ARHGEF10: variants seen among roughly 807,000 people sequenced by gnomAD.
ARHGEF10 encodes Rho guanine nucleotide exchange factor 10, also known as Rho guanine nucleotide exchange factor (GEF) 10.
ARHGEF10 carries 140 observed loss-of-function variants against 147.4 expected under a neutral mutation model. The ratio of observed to expected loss-of-function variants is 0.95; its 90% CI spans 0.83 to 1.09. The LOEUF (loss-of-function observed/expected upper bound fraction) is 1.09, where lower values mean the gene tolerates loss of function less well. ARHGEF10 is among the 50% of genes least tolerant of loss of function. The pLI is 0.00. For missense variants in ARHGEF10, 2,222 were observed against 1,752.7 expected (o/e 1.27, Z -4.78); for synonymous variants, 902 against 695.8 (o/e 1.30, Z -4.67).
rs749140805 is a variant in ARHGEF10, at chr8:1,858,134, C to T, written c.193+19C>T. ...CCCACAGGTGAGTTTCCAGGAGGGT[C>T]CCCAGGTGAGTCCCCAGGTGGGTCC... On this transcript the variant is annotated intron_variant, in intron 3 of 28. Coordinates refer to ENST00000349830, the MANE Select transcript of ARHGEF10 (RefSeq NM_014629.4). The T allele has an allele frequency of 2.5e-6, 4 of 1,604,014 alleles. No individual in the cohort carries two copies. The highest frequency in any genetic ancestry group is 2.6e-6 in the Non-Finnish European group (3 of 1,174,966).
intron 1 of ARHGEF10, among the ~76,000 whole-genome samples, chr8:1,832,236 G>C (rs777982066): frequency 2.2e-5 from 1 of 45,528 alleles, no homozygotes; most frequent in Non-Finnish European, 3.9e-5. Flanking sequence ...GAGGAGTTGC[G>C]GTGGGCGGGG....
upstream of ARHGEF10, among the ~76,000 whole-genome samples, chr8:1,823,452 G>GCGT (rs147323837): frequency 1.7e-4 from 25 of 151,234 alleles, no homozygotes; most frequent in Admixed American, 9.2e-4. Context: ...GATGTTCTGG[G>GCGT]GGGGGGAGCG....
chr8:1,941,387 G>T (rs1389353026), intron 26 of ARHGEF10, among the ~76,000 whole-genome samples: 1 of 152,142 alleles, frequency 6.6e-6, no homozygotes, highest in Non-Finnish European at 1.5e-5. Context: ...AATACTTGGA[G>T]AAATTTTTAA....
At chr8:1,827,177 C>T (rs868818867) in intron 1 of ARHGEF10, among the ~76,000 whole-genome samples, 1 of 152,250 alleles carries the variant, frequency 6.6e-6, no homozygotes, top group Non-Finnish European at 1.5e-5. Context: ...CCAGCCCCCA[C>T]GCTGATACAC....
rs552389448 is a variant in ARHGEF10, at chr8:1,931,543, G to A, written c.3079+2100G>A. ...GCATCTTTCTCACCAAGAGCTGTCC[G>A]GCGTACCGTGTGGGAGCGTGCGAGG... On this transcript the variant is annotated intron_variant, in intron 25 of 28. Coordinates refer to ENST00000349830, the MANE Select transcript of ARHGEF10 (RefSeq NM_014629.4). 2.6e-5 allele frequency among the ~76,000 whole-genome samples: 4 copies of A among 152,252 alleles called. No individual in the cohort carries two copies. In the East Asian group the frequency reaches 5.8e-4, roughly 22 times the overall value.
rs1301945404 is a variant in ARHGEF10, at chr8:1,909,446, G to A, written c.2119G>A (p.Ala707Thr). ...HLAVHPPESL[A>T]VVANAKPNKV... Reference sequence around the variant, plus strand: ...TGCCGTTCACCCGCCGGAGAGCCTGGCCGTGGTTGCTAACGCGAAACCAAG... The same window carrying A: ...TGCCGTTCACCCGCCGGAGAGCCTGACCGTGGTTGCTAACGCGAAACCAAG... Residue 707 changes from alanine to threonine, a missense_variant, in exon 18 of 29, where the codon GCC becomes ACC. By Grantham distance (58) the Ala-to-Thr change is moderately conservative. Transcript: ENST00000349830. 1 of 1,613,972 alleles carries A rather than the reference G, an allele frequency of 6.2e-7. No individual in the cohort carries two copies. Among genetic ancestry groups the A allele is most frequent in the African/African-American group, 1.3e-5 (1 of 74,930 alleles).
At chr8:1,879,124 T>A (rs1807961269) in intron 8 of ARHGEF10, among the ~76,000 whole-genome samples, 1 of 152,222 alleles carries the variant, frequency 6.6e-6, no homozygotes, top group Admixed American at 6.5e-5. Context: ...TCTCGAATTT[T>A]GTTAAAAACT....
chr8:1,843,038 A>G (rs1024990143), intron 1 of ARHGEF10, among the ~76,000 whole-genome samples: 2 of 152,222 alleles, frequency 1.3e-5, no homozygotes, highest in African/African-American at 2.4e-5. Context: ...ACAGTGGGAA[A>G]TTCAGCAAGG....
chr8:1,879,458 TGCATTTGCTCCTGTCTA>T (rs1407496269), intron 8 of ARHGEF10, among the ~76,000 whole-genome samples: 2 of 152,190 alleles, frequency 1.3e-5, no homozygotes, highest in Non-Finnish European at 2.9e-5. Flanking sequence ...TTTGTGTGCG[TGCATTTGCTCCTGTCTA>T]GCACAGAGAA....
chr8:1,842,465 G>GACC (rs979830688), intron 1 of ARHGEF10, among the ~76,000 whole-genome samples: 1 of 152,210 alleles, frequency 6.6e-6, no homozygotes, highest in Non-Finnish European at 1.5e-5. Context: ...TGAGGCCGGT[G>GACC]ACCACCCTGG....
At chr8:1,843,879 C>T (rs915233198) in intron 2 of ARHGEF10, among the ~76,000 whole-genome samples, 2 of 152,214 alleles carry the variant, frequency 1.3e-5, no homozygotes, top group Non-Finnish European at 2.9e-5. Flanking sequence ...GACAAGCACG[C>T]CCTCTCTATC....
chr8:1,876,513 A>G, intron 7 of ARHGEF10, 58 bp from the exon 8 acceptor site: 1 of 1,561,780 alleles, frequency 6.4e-7, no homozygotes, highest in South Asian at 1.1e-5. Context: ...AAACAGGCAC[A>G]AAACAGCCCA....
At chr8:1,851,606 G>T (rs1029320774) in intron 2 of ARHGEF10, among the ~76,000 whole-genome samples, 6 of 152,170 alleles carry the variant, frequency 3.9e-5, no homozygotes, top group African/African-American at 1.4e-4. Context: ...CTAAAAAGTT[G>T]TATCTCTTAA....
In ARHGEF10 at chr8:1,957,385, G is replaced by C. The variant is rs1162874640; in HGVS notation, c.*122G>C. 8 of 1,391,696 alleles carry C rather than the reference G, an allele frequency of 5.7e-6. No homozygotes were observed. The highest frequency in any genetic ancestry group is 7.8e-6 in the Non-Finnish European group (8 of 1,024,966). 86.2% of individuals were successfully genotyped at this position (1,391,696 alleles called of 1,614,324 possible). ...GGGAATAAATTAAAAACAGTATTTG[G>C]GGGAGAAACGTGCAATAGCGTAATG... On this transcript the variant is annotated 3_prime_UTR_variant, in exon 29 of 29. Coordinates refer to ENST00000349830, the MANE Select transcript of ARHGEF10 (RefSeq NM_014629.4).
Position 1,868,144 on chromosome 8 carries a change from G to A in ARHGEF10, c.623-1050G>A, listed in dbSNP as rs76395029. Among the ~76,000 whole-genome samples the A allele has an allele frequency of 5.6e-3, 858 of 152,332 alleles. 60 individuals are homozygous for A. In the East Asian group the frequency reaches 0.14, roughly 25 times the overall value. Reference sequence around the variant, plus strand: ...AGGAGTAGAAATCTTTACTGTGGTTGCAGATAGTAAATGCTATTAAAAGAA... The same window carrying A: ...AGGAGTAGAAATCTTTACTGTGGTTACAGATAGTAAATGCTATTAAAAGAA... On this transcript the variant is annotated intron_variant, in intron 6 of 28. Coordinates refer to ENST00000349830, the MANE Select transcript of ARHGEF10 (RefSeq NM_014629.4).
chr8:1,884,638 G>C (rs184915328), intron 10 of ARHGEF10, among the ~76,000 whole-genome samples: 2 of 152,162 alleles, frequency 1.3e-5, no homozygotes, highest in African/African-American at 4.8e-5. Flanking sequence ...GTGCAGCCAG[G>C]GTTTGGGATC....
intron 2 of ARHGEF10, among the ~76,000 whole-genome samples, chr8:1,847,959 C>T (rs1012056439): frequency 2.0e-5 from 3 of 152,142 alleles, no homozygotes; most frequent in Middle Eastern, 3.2e-3. Flanking sequence ...TTTAAAAGTT[C>T]TTCATGGACT....
In ARHGEF10 at chr8:1,945,846, G is replaced by A. The variant is rs754650333; in HGVS notation, c.3397+191G>A. Reference sequence around the variant, plus strand: ...CGGAGCATGGTCAGCCCACTTTAGCGCTTCCCGGTGCAGGGCACAGGTCCT... The same window carrying A: ...CGGAGCATGGTCAGCCCACTTTAGCACTTCCCGGTGCAGGGCACAGGTCCT... On this transcript the variant is annotated intron_variant, in intron 27 of 28. Transcript: ENST00000349830. 1.3e-3 allele frequency: 1,125 copies of A among 839,874 alleles called. 5 individuals are homozygous for A. Among genetic ancestry groups the A allele is most frequent in the Non-Finnish European group, 1.6e-3 (897 of 545,268 alleles). 52.0% of individuals were successfully genotyped at this position (839,874 alleles called of 1,614,324 possible). A position where few individuals can be genotyped will look rare whatever the true frequency, so the allele number is the denominator to read the frequency against.
chr8:1,955,208 CCA>C (rs1563339289), intron 28 of ARHGEF10, among the ~76,000 whole-genome samples: 5 of 146,196 alleles, frequency 3.4e-5, no homozygotes, highest in East Asian at 2.0e-4. Context: ...GGATGGGTAG[CCA>C]GGTGCTTCCT....
Sources: allele counts gnomAD v4.1 joint callset (sites outside exome capture counted in the v4.1 genomes callset), GRCh38; gene constraint gnomAD v4.1.1; transcripts MANE v1.5; gene names NCBI Gene and HGNC (gene_info 2026-07-23, HGNC 2026-07-21).